FTCDNL1: variants seen among roughly 807,000 people sequenced by gnomAD.
The protein encoded by FTCDNL1 is formiminotransferase N-terminal subdomain-containing protein.
FTCDNL1 carries 11 observed loss-of-function variants against 5.9 expected under a neutral mutation model. The ratio of observed to expected loss-of-function variants is 1.87; its 90% CI spans 1.18 to 3.10. The LOEUF (loss-of-function observed/expected upper bound fraction) is 3.10, where lower values mean the gene tolerates loss of function less well. Ranked by LOEUF, FTCDNL1 falls within the 30% of genes most tolerant of loss-of-function variation. The pLI is 0.00. For missense variants in FTCDNL1, 115 were observed against 65.5 expected (o/e 1.76, Z -2.61); for synonymous variants, 58 against 24.8 (o/e 2.34, Z -3.99).
downstream of FTCDNL1, among the ~76,000 whole-genome samples, chr2:199,804,562 C>T (rs1700626753): frequency 6.6e-6 from 1 of 152,114 alleles, no homozygotes; most frequent in South Asian, 2.1e-4. Flanking sequence ...CACTCAGACT[C>T]CCTACTGGTG....
intron 3 of FTCDNL1, among the ~76,000 whole-genome samples, chr2:199,824,236 A>G (rs925267904): frequency 1.3e-5 from 2 of 152,110 alleles, no homozygotes; most frequent in African/African-American, 2.4e-5. Context: ...CTTTCCTTCA[A>G]TCTCATGAAC....
At chr2:199,742,154 C>T in the FTCDNL1 span, among the ~76,000 whole-genome samples, 1 of 151,890 alleles carries the variant, frequency 6.6e-6, no homozygotes, top group Non-Finnish European at 1.5e-5. Flanking sequence ...CCTGGGGCTT[C>T]TGTGTTCATC....
rs1436624189 is a variant in FTCDNL1, at chr2:199,782,129, C to T, written c.212-21294G>A. Among the ~76,000 whole-genome samples, 4 of 152,190 alleles carry T rather than the reference C, an allele frequency of 2.6e-5. No homozygotes were observed. In the East Asian group the frequency reaches 7.7e-4, roughly 29 times the overall value. The stretch of plus-strand genomic sequence containing the variant: ...GCTCTACCAAAGACAGCACAACTGG[C>T]ACAAGAGCTACAACTGGGGCCACTA... On this transcript the variant is annotated intron_variant, in intron 3 of 3. Coordinates refer to the FTCDNL1 transcript ENST00000416668.
the FTCDNL1 span, among the ~76,000 whole-genome samples, chr2:199,680,992 T>A: frequency 6.6e-6 from 1 of 152,170 alleles, no homozygotes; most frequent in Non-Finnish European, 1.5e-5. Flanking sequence ...GTACAAGATC[T>A]GGAGAAGTGG....
chr2:199,777,249 C>T (rs1484000875), intron 3 of FTCDNL1, among the ~76,000 whole-genome samples: 2 of 151,852 alleles, frequency 1.3e-5, no homozygotes, highest in South Asian at 2.1e-4. Context: ...GCCAAGATCG[C>T]GTTGCTGTAC....
chr2:199,773,016 T>C (rs1698889013), intron 3 of FTCDNL1, among the ~76,000 whole-genome samples: 1 of 152,212 alleles, frequency 6.6e-6, no homozygotes, highest in Non-Finnish European at 1.5e-5. Context: ...GTGGTTTTCT[T>C]GTCTTTTTTG....
the FTCDNL1 span, among the ~76,000 whole-genome samples, chr2:199,693,524 T>C: frequency 2.6e-5 from 4 of 152,198 alleles, no homozygotes; most frequent in Non-Finnish European, 5.9e-5. Context: ...AGAGACTTGG[T>C]ATCTTAATTT....
At chr2:199,718,066 A>C in the FTCDNL1 span, among the ~76,000 whole-genome samples, 3 of 152,160 alleles carry the variant, frequency 2.0e-5, no homozygotes, top group South Asian at 4.1e-4. Flanking sequence ...GAGTTTTAAA[A>C]ATTTTTTTAT....
intron 3 of FTCDNL1, among the ~76,000 whole-genome samples, chr2:199,841,342 G>A (rs923113535): frequency 2.1e-4 from 32 of 150,904 alleles, no homozygotes; most frequent in African/African-American, 7.6e-4. Flanking sequence ...AGCCGAGATC[G>A]TGCACTGCAC....
At chr2:199,716,379 G>C in the FTCDNL1 span, among the ~76,000 whole-genome samples, 11 of 152,230 alleles carry the variant, frequency 7.2e-5, no homozygotes, top group South Asian at 2.3e-3. Context: ...CCGGTTCCCT[G>C]TATCCTCATT....
chr2:199,773,631 T>G (rs1490251911), intron 3 of FTCDNL1, among the ~76,000 whole-genome samples: 1 of 152,190 alleles, frequency 6.6e-6, no homozygotes, highest in African/African-American at 2.4e-5. Flanking sequence ...GGACTGTGAC[T>G]CTTTAGAGGG....
chr2:199,683,355 T>C, the FTCDNL1 span, among the ~76,000 whole-genome samples: 1 of 152,138 alleles, frequency 6.6e-6, no homozygotes, highest in Admixed American at 6.6e-5. Flanking sequence ...GACCTACACT[T>C]ACTGCTTACA....
intron 3 of FTCDNL1, among the ~76,000 whole-genome samples, chr2:199,776,031 A>G (rs934430125): frequency 6.6e-6 from 1 of 151,132 alleles, no homozygotes; most frequent in Non-Finnish European, 1.5e-5. Context: ...CTCCTGCCTC[A>G]GCCTCCTGAG....
At chr2:199,734,237 C>T in the FTCDNL1 span, among the ~76,000 whole-genome samples, 1 of 152,104 alleles carries the variant, frequency 6.6e-6, no homozygotes, top group Non-Finnish European at 1.5e-5. Context: ...TACAGCATTG[C>T]GGGTGGATGC....
the FTCDNL1 span, among the ~76,000 whole-genome samples, chr2:199,730,856 G>A: frequency 6.6e-6 from 1 of 152,130 alleles, no homozygotes; most frequent in Admixed American, 6.5e-5. Flanking sequence ...TATACCCAAA[G>A]GATTATAAAT....
intron 3 of FTCDNL1, among the ~76,000 whole-genome samples, chr2:199,772,092 C>T (rs778855574): frequency 2.0e-5 from 3 of 152,110 alleles, no homozygotes; most frequent in South Asian, 2.1e-4. Context: ...ACAAACACTG[C>T]GATACTGTGA....
At chr2:199,773,904 C>T (rs1698934512) in intron 3 of FTCDNL1, among the ~76,000 whole-genome samples, 1 of 152,216 alleles carries the variant, frequency 6.6e-6, no homozygotes, top group African/African-American at 2.4e-5. Context: ...AGTTCTCTAG[C>T]AGCAGGTCCC....
At chr2:199,808,754 C>A (rs1020864440), downstream of FTCDNL1, among the ~76,000 whole-genome samples, 1 of 152,178 alleles carries the variant, frequency 6.6e-6, no homozygotes, top group Non-Finnish European at 1.5e-5. Context: ...TAGAATAGAC[C>A]TAGAAAAACT....
the FTCDNL1 span, among the ~76,000 whole-genome samples, chr2:199,692,523 T>C: frequency 1.3e-5 from 2 of 152,242 alleles, no homozygotes; most frequent in African/African-American, 4.8e-5. Flanking sequence ...GTGAGAAGCA[T>C]ATTTAGTAAT....
Sources: allele counts gnomAD v4.1 joint callset (sites outside exome capture counted in the v4.1 genomes callset), GRCh38; gene constraint gnomAD v4.1.1; transcripts MANE v1.5; gene names NCBI Gene and HGNC (gene_info 2026-07-23, HGNC 2026-07-21).